PI4K2B: variants seen among roughly 807,000 people sequenced by gnomAD.
PI4K2B encodes phosphatidylinositol 4-kinase type 2-beta.
PI4K2B carries 46 observed loss-of-function variants against 56.6 expected under a neutral mutation model. The observed-to-expected ratio is 0.81, with a 90% CI of 0.64 to 1.04. PI4K2B has a LOEUF of 1.04. PI4K2B is among the 50% of genes least tolerant of loss of function. PI4K2B has a pLI of 0.00. For synonymous variants in PI4K2B, 211 were observed against 223.8 expected (o/e 0.94, Z 0.51); for missense variants, 556 against 607.7 (o/e 0.91, Z 0.89).
At chr4:25,257,462 T>C (rs1407789698) in intron 4 of PI4K2B, among the ~76,000 whole-genome samples, 1 of 152,186 alleles carries the variant, frequency 6.6e-6, no homozygotes, top group Non-Finnish European at 1.5e-5. Flanking sequence ...TGTCAAGGAC[T>C]TGGTACATAG....
chr4:25,270,941 A>G (rs1327473801), intron 9 of PI4K2B, among the ~76,000 whole-genome samples: 2 of 152,210 alleles, frequency 1.3e-5, no homozygotes, highest in Non-Finnish European at 2.9e-5. Context: ...TACACAGAGA[A>G]TCATTCATTC....
intron 9 of PI4K2B, among the ~76,000 whole-genome samples, chr4:25,270,917 C>T (rs1309719133): frequency 2.6e-5 from 4 of 152,150 alleles, no homozygotes; most frequent in Non-Finnish European, 5.9e-5. Flanking sequence ...CAAAGAAGTA[C>T]AAGTCCATAT....
intron 9 of PI4K2B, among the ~76,000 whole-genome samples, chr4:25,273,475 C>T (rs1490419249): frequency 6.6e-6 from 1 of 152,096 alleles, no homozygotes; most frequent in Non-Finnish European, 1.5e-5. Flanking sequence ...TGGTACTTGA[C>T]CCCTTACTGG....
intron 3 of PI4K2B, 126 bp from the exon 4 acceptor site, chr4:25,256,417 C>G: frequency 3.5e-6 from 3 of 847,854 alleles, no homozygotes; most frequent in Non-Finnish European, 5.4e-6. Context: ...GTTTTAGATT[C>G]TCTGGGGCCT....
At chr4:25,248,966 G>C (rs760270165) in intron 1 of PI4K2B, among the ~76,000 whole-genome samples, 1 of 151,882 alleles carries the variant, frequency 6.6e-6, no homozygotes, top group Non-Finnish European at 1.5e-5. Context: ...GCCGCCTTCC[G>C]CAGTGTTTGT....
chr4:25,267,725 C>G, intron 7 of PI4K2B: 1 of 956,814 alleles, frequency 1.0e-6, no homozygotes, highest in South Asian at 4.8e-5. Context: ...ACAAATCTCT[C>G]TAGTCCTGGC....
chr4:25,245,692 A>C lies in PI4K2B; in HGVS notation c.269-6629A>C, dbSNP rs891967711. Among the ~76,000 whole-genome samples, 4 of 152,166 alleles carry C rather than the reference A, an allele frequency of 2.6e-5. No individual in the cohort carries two copies. In the East Asian group the frequency reaches 7.7e-4, roughly 29 times the overall value. ...GTATTTAGCCCCCGTTCTAAGGAAA[A>C]ATAGGACAGAATAGCAAGTGAAAGG... On this transcript the variant is annotated intron_variant, in intron 1 of 9. Coordinates refer to ENST00000264864, the MANE Select transcript of PI4K2B (RefSeq NM_018323.4).
intron 1 of PI4K2B, among the ~76,000 whole-genome samples, chr4:25,246,014 A>G (rs1715753722): frequency 6.6e-6 from 1 of 151,902 alleles, no homozygotes; most frequent in Non-Finnish European, 1.5e-5. Context: ...GTGTGTCCGG[A>G]GTTTGTTCCT....
intron 1 of PI4K2B, among the ~76,000 whole-genome samples, chr4:25,250,276 G>A (rs73252569): frequency 0.4 from 61,474 of 152,008 alleles, 15,393 homozygotes; most frequent in Non-Finnish European, 0.55. Context: ...AAAAAAGAAC[G>A]AGATCATGTC....
intron 4 of PI4K2B, among the ~76,000 whole-genome samples, chr4:25,258,213 C>CTTTTTTTTTTTTTTTTT (rs545122643): frequency 8.4e-6 from 1 of 119,014 alleles, no homozygotes; most frequent in African/African-American, 3.0e-5. Context: ...GGAATCTGTC[C>CTTTTTTTTTTTTTTTTT]TTTTTTTTTT....
At chr4:25,248,011 A>G (rs923715540) in intron 1 of PI4K2B, among the ~76,000 whole-genome samples, 1 of 152,184 alleles carries the variant, frequency 6.6e-6, no homozygotes, top group Admixed American at 6.5e-5. Context: ...GCCAGTGAAC[A>G]TCTATTTTTT....
At chr4:25,237,820 C>T (rs1560364540) in intron 1 of PI4K2B, among the ~76,000 whole-genome samples, 1 of 152,170 alleles carries the variant, frequency 6.6e-6, no homozygotes, top group Non-Finnish European at 1.5e-5. Flanking sequence ...TCAGGTTACA[C>T]TGAGTCCAGT....
chr4:25,274,547 C>G (rs1426173603), intron 9 of PI4K2B, among the ~76,000 whole-genome samples: 2 of 152,128 alleles, frequency 1.3e-5, no homozygotes, highest in African/African-American at 2.4e-5. Flanking sequence ...ATTGCAATTA[C>G]TTGTTCATGT....
In PI4K2B at chr4:25,279,000, CTTAT is replaced by C. The variant is rs1421793023; in HGVS notation, c.*1817_*1820del. 1 of 152,050 alleles carries C rather than the reference CTTAT, an allele frequency of 6.6e-6. No individual in the cohort carries two copies. 9.4% of individuals were successfully genotyped at this position (152,050 alleles called of 1,614,324 possible). On this transcript the variant is annotated 3_prime_UTR_variant, in exon 10 of 10. Transcript: ENST00000264864. ...TTTGTAAACTTTCATGAACTGAATT[CTTAT>C]TTAAATAGTATGGTTTTTTTTCAAT... is the stretch of plus-strand genomic sequence containing the variant.
At chr4:25,234,572 C>A in intron 1 of PI4K2B, 141 bp downstream of exon 1, 1 of 547,996 alleles carries the variant, frequency 1.8e-6, no homozygotes, top group Non-Finnish European at 2.7e-6. Context: ...GAGCTCGGAC[C>A]GGCGCCAGCC....
chr4:25,259,245 T>C (rs1293101117), intron 5 of PI4K2B, 55 bp downstream of exon 5: 1 of 1,183,794 alleles, frequency 8.4e-7, no homozygotes, highest in East Asian at 2.4e-5. Context: ...CAAACTATAT[T>C]CTTGTTATCC....
At chr4:25,269,434 C>G (rs907320289) in intron 9 of PI4K2B, among the ~76,000 whole-genome samples, 1 of 151,984 alleles carries the variant, frequency 6.6e-6, no homozygotes, top group African/African-American at 2.4e-5. Context: ...GTCAGGAGTT[C>G]GAGACCAGCC....
At chr4:25,265,970 T>A (rs1716650431) in intron 7 of PI4K2B, among the ~76,000 whole-genome samples, 1 of 152,144 alleles carries the variant, frequency 6.6e-6, no homozygotes, top group Non-Finnish European at 1.5e-5. Flanking sequence ...TTTCTATGCA[T>A]TTTTTGCTTT....
intron 4 of PI4K2B, chr4:25,258,521 TTAAAA>T (rs1183115294): frequency 1.3e-5 from 7 of 538,244 alleles, no homozygotes; most frequent in African/African-American, 8.2e-5. Context: ...CATCCTATTT[TTAAAA>T]TAAAATAATT....
Sources: gnomAD v4.1 joint callset for allele counts (sites outside exome capture counted in the v4.1 genomes callset) on GRCh38, gnomAD v4.1.1 for gene constraint, MANE v1.5 for transcripts, NCBI Gene and HGNC (gene_info 2026-07-23, HGNC 2026-07-21) for gene names.